Variants in VPS13D observed in about 807,000 individuals in gnomAD.
The protein encoded by VPS13D is vacuolar protein sorting 13 homolog D.
VPS13D carries 187 observed loss-of-function variants against 461.9 expected under a neutral mutation model. The observed-to-expected ratio is 0.40, with a 90% CI of 0.36 to 0.46. The LOEUF is 0.46. VPS13D is among the 20% of genes least tolerant of loss of function. The probability of loss-of-function intolerance (pLI) is 0.60; values close to 1 mark genes in which losing one functional copy is unlikely to be tolerated. For missense variants in VPS13D, 4,711 were observed against 5,364.9 expected, an observed-to-expected ratio of 0.88 and a Z score of 3.81; for synonymous variants, 1,951 against 1,986.3, an observed-to-expected ratio of 0.98 and a Z score of 0.47.
chr1:12,334,891 C>T (rs966556418), intron 38 of VPS13D, among the ~76,000 whole-genome samples: 2 of 152,174 alleles, frequency 1.3e-5, no homozygotes, highest in African/African-American at 4.8e-5. Flanking sequence ...GTAGCTATGA[C>T]CTCTTGTGTT....
intron 65 of VPS13D, among the ~76,000 whole-genome samples, chr1:12,432,502 G>A (rs1460761555): frequency 3.3e-5 from 5 of 152,076 alleles, no homozygotes; most frequent in South Asian, 2.1e-4. Context: ...AAATGTGGAT[G>A]TGTCCAGTTG....
At chr1:12,335,849 G>T in intron 39 of VPS13D, 22 bp downstream of exon 39, 1 of 1,613,688 alleles carries the variant, frequency 6.2e-7, no homozygotes, top group Non-Finnish European at 8.5e-7. Context: ...CACTACATGT[G>T]TTTAACTAAA....
chr1:12,249,811 A>C lies in VPS13D; in HGVS notation c.564+472A>C, dbSNP rs1172693057. Among the ~76,000 whole-genome samples, 4 of 152,318 alleles carry C rather than the reference A, an allele frequency of 2.6e-5. No individual in the cohort carries two copies. The South Asian group carries it at 8.3e-4, about 32-fold the overall frequency. On this transcript the variant is annotated intron_variant, in intron 6 of 69. Coordinates refer to ENST00000620676, the MANE Select transcript of VPS13D (RefSeq NM_015378.4). ...CTACACAAAAAACAACACTTTTGAC[A>C]CCAGACGTGTGAGGATTTTCCCCCA... is the stretch of plus-strand genomic sequence containing the variant.
At position 12,499,412 on chromosome 1, in the gene VPS13D, C is replaced by T. The variant is rs548070985; in HGVS notation, c.12794+1781C>T. ...TAAATTATTGCATGTTTTCTTTTCA[C>T]TTTCCTCCCCAACTCACCTCTATTC... On this transcript the variant is annotated intron_variant, in intron 68 of 69. Coordinates refer to ENST00000620676, the MANE Select transcript of VPS13D (RefSeq NM_015378.4). 3 of 969,300 alleles carry T rather than the reference C, an allele frequency of 3.1e-6. No individual in the cohort carries two copies. In the South Asian group the frequency reaches 1.4e-4, roughly 46 times the overall value. The allele number at this position is 969,300 out of a possible 1,614,324, so 60.0% of individuals were successfully genotyped here.
At chr1:12,338,104 ACT>A (rs1390551254) in intron 39 of VPS13D, 125 bp from the exon 40 acceptor site, 3 of 787,862 alleles carry the variant, frequency 3.8e-6, no homozygotes, top group Admixed American at 1.9e-5. Flanking sequence ...GATGGGAATG[ACT>A]CTGTACTTGC....
Position 12,277,465 on chromosome 1 carries a change from T to C in VPS13D, c.3877T>C (p.Tyr1293His). Residue 1293 changes from tyrosine (Y) to histidine (H), a missense_variant, in exon 19 of 70, where the codon TAT (tyrosine) becomes CAT (histidine). Around this residue, in one of 3 missense-constraint regions of VPS13D, gnomAD observed 4,411 missense variants for 4,937.8 expected, o/e 0.89. Transcript: ENST00000620676. ...CAACCTGAAGATGGCTTCTTTACAT[T>C]ATAACCACTCTGCTAAGTTTTTGAA... is the stretch of plus-strand genomic sequence containing the variant. ...FLNLKMASLH[Y>H]NHSAKFLKEL... is the part of the protein sequence containing the mutation. The C allele has an allele frequency of 6.2e-7, 1 of 1,614,182 alleles. No individual in the cohort carries two copies. Among genetic ancestry groups the C allele is most frequent in the Non-Finnish European group, 8.5e-7 (1 of 1,180,030 alleles).
At position 12,282,801 on chromosome 1, in the gene VPS13D, T is replaced by C. The variant is rs752803070; in HGVS notation, c.4699T>C (p.Ser1567Pro). 1.2e-6 allele frequency: 2 copies of C among 1,614,022 alleles called. No individual in the cohort carries two copies. The highest frequency in any genetic ancestry group is 1.7e-5 in the Admixed American group (1 of 59,994). The change falls in exon 21 of 70, where the codon TCC becomes CCC. Residue 1567 changes from serine to proline, a missense_variant. Coordinates refer to ENST00000620676, the MANE Select transcript of VPS13D (RefSeq NM_015378.4). ...DLNKYPASAT[S>P]SPCPDSPLPP... ...GAATAAGTATCCAGCCAGTGCTACC[T>C]CCTCCCCTTGCCCTGATTCTCCTCT...
intron 48 of VPS13D, 118 bp downstream of exon 48, chr1:12,356,208 T>C: frequency 7.1e-7 from 1 of 1,411,262 alleles, no homozygotes; most frequent in Non-Finnish European, 9.5e-7. Flanking sequence ...TCTGAGCTGC[T>C]GAAACATTCC....
At chr1:12,294,128 T>C (rs1160108091) in intron 24 of VPS13D, among the ~76,000 whole-genome samples, 6 of 152,238 alleles carry the variant, frequency 3.9e-5, no homozygotes, top group African/African-American at 1.4e-4. Context: ...CTAATGGTAT[T>C]TCCGTTTACA....
At chr1:12,352,657 G>T (rs997412396) in intron 46 of VPS13D, among the ~76,000 whole-genome samples, 1 of 152,086 alleles carries the variant, frequency 6.6e-6, no homozygotes, top group Non-Finnish European at 1.5e-5. Flanking sequence ...GAAATGTGTG[G>T]CAATTTCTTA....
Position 12,362,753 on chromosome 1 carries a change from T to C in VPS13D, c.10175T>C (p.Ile3392Thr). The C allele has an allele frequency of 6.2e-7, 1 of 1,614,228 alleles. No homozygotes were observed. The highest frequency in any genetic ancestry group is 8.5e-7 in the Non-Finnish European group (1 of 1,180,030). The change falls in exon 51 of 70, where the codon ATT (isoleucine) becomes ACT (threonine). Residue 3392 changes from isoleucine to threonine, a missense_variant. Physicochemically the swap from Ile to Thr is moderately conservative, Grantham distance 89. Transcript: ENST00000620676. ...IDVKKGRGRY[I>T]DTCMVIFAPR... The stretch of plus-strand genomic sequence containing the variant: ...GTCAAGAAAGGCCGAGGTCGATACA[T>C]TGATACCTGCATGGTCATCTTTGCC...
At chr1:12,433,386 C>T (rs978383221) in intron 65 of VPS13D, among the ~76,000 whole-genome samples, 2 of 152,166 alleles carry the variant, frequency 1.3e-5, no homozygotes, top group African/African-American at 4.8e-5. Flanking sequence ...CATCTCAGAG[C>T]CCTCACTTGG....
chr1:12,410,512 C>T (rs1182466388), intron 63 of VPS13D, among the ~76,000 whole-genome samples: 1 of 152,074 alleles, frequency 6.6e-6, no homozygotes, highest in Non-Finnish European at 1.5e-5. Context: ...CACAAATTAC[C>T]AGGCCAAGAT....
intron 68 of VPS13D, 27 bp downstream of exon 68, chr1:12,497,658 C>G: frequency 6.2e-7 from 1 of 1,602,412 alleles, no homozygotes; most frequent in Non-Finnish European, 8.5e-7. Context: ...GAAACCAGCC[C>G]TGTGGGTCTA....
chr1:12,437,991 A>G (rs942508292), intron 65 of VPS13D, among the ~76,000 whole-genome samples: 3 of 152,156 alleles, frequency 2.0e-5, no homozygotes, highest in African/African-American at 7.2e-5. Flanking sequence ...CTGGGAAAAT[A>G]TCAGTCTGGA....
chr1:12,413,429 C>T (rs1220123436), intron 63 of VPS13D, among the ~76,000 whole-genome samples: 3 of 152,036 alleles, frequency 2.0e-5, no homozygotes, highest in African/African-American at 4.8e-5. Context: ...GCCAAGATCC[C>T]GCCACTGTAC....
intron 65 of VPS13D, among the ~76,000 whole-genome samples, chr1:12,419,816 C>G (rs1644840298): frequency 1.3e-5 from 2 of 152,158 alleles, no homozygotes. Context: ...TTTTGAGAAT[C>G]ATTTTACTAG....
intron 1 of VPS13D, among the ~76,000 whole-genome samples, chr1:12,231,580 A>G (rs1639974363): frequency 6.6e-6 from 1 of 152,222 alleles, no homozygotes; most frequent in African/African-American, 2.4e-5. Flanking sequence ...ATTAGTGGCA[A>G]TAACTACAAA....
intron 11 of VPS13D, 23 bp downstream of exon 11, chr1:12,260,817 AT>A (rs1198122903): frequency 1.2e-6 from 2 of 1,613,240 alleles, no homozygotes; most frequent in Middle Eastern, 1.7e-4. Flanking sequence ...CTACAAGAGG[AT>A]TTGTTCAGAC....
Sources: allele counts gnomAD v4.1 joint callset (sites outside exome capture counted in the v4.1 genomes callset), GRCh38; gene constraint gnomAD v4.1.1; regional missense constraint gnomAD v4.1.1; transcripts MANE v1.5; gene names NCBI Gene and HGNC (gene_info 2026-07-23, HGNC 2026-07-21).